The following SLC25A53 variants were observed in gnomAD, a reference collection of about 807,000 sequenced individuals.
SLC25A53 encodes the protein mitochondrial carrier triple repeat protein 6.
SLC25A53 carries 5 observed loss-of-function variants against 15.0 expected under a neutral mutation model. That is an observed-to-expected ratio of 0.33 (90% CI 0.17 to 0.70). The LOEUF (loss-of-function observed/expected upper bound fraction) is 0.70. SLC25A53 is among the 30% of genes least tolerant of loss of function. The pLI is 0.67. For synonymous variants in SLC25A53, 95 were observed against 100.0 expected (o/e 0.95, Z 0.30); for missense variants, 216 against 241.6 (o/e 0.89, Z 0.70).
chrX:104,106,214 T>C (rs2075309031), intron 1 of SLC25A53, among the ~76,000 whole-genome samples: 1 of 110,802 alleles, frequency 9.0e-6, no homozygotes, highest in African/African-American at 3.3e-5. Flanking sequence ...CCCAAACTAT[T>C]GCTCCTTACC....
chrX:104,112,363 C>G (rs1202438243), intron 1 of SLC25A53: 2 of 113,696 alleles, frequency 1.8e-5, no homozygotes, highest in African/African-American at 6.4e-5. Context: ...CTGCTGACGC[C>G]GTGCCGCCTC....
At chrX:104,112,764 G>A (rs1322944100) in intron 1 of SLC25A53, 1 of 112,771 alleles carries the variant, frequency 8.9e-6, no homozygotes, top group Non-Finnish European at 1.9e-5. Context: ...ACAGAGCTGT[G>A]GACGCGGGAG....
At chrX:104,150,601 A>G (rs1206290758) in intron 1 of SLC25A53, among the ~76,000 whole-genome samples, 4 of 112,256 alleles carry the variant, frequency 3.6e-5, no homozygotes, top group Non-Finnish European at 7.5e-5. Context: ...AAAATGACCA[A>G]ACACTCTGCT....
chrX:104,128,707 A>T (rs1602498363), intron 1 of SLC25A53, among the ~76,000 whole-genome samples: 1 of 111,598 alleles, frequency 9.0e-6, no homozygotes, highest in Non-Finnish European at 1.9e-5. Context: ...TAAAATGTTA[A>T]GATGTCAGCA....
chrX:104,105,564 A>G (rs1295975786), intron 1 of SLC25A53, among the ~76,000 whole-genome samples: 1 of 112,554 alleles, frequency 8.9e-6, no homozygotes, highest in Non-Finnish European at 1.9e-5. Flanking sequence ...TACGACTGAA[A>G]AACATGAAAT....
At chrX:104,130,601 T>C (rs1298097774) in intron 1 of SLC25A53, 1 of 111,336 alleles carries the variant, frequency 9.0e-6, no homozygotes, top group Admixed American at 9.6e-5. Flanking sequence ...CCACTATCCT[T>C]GTAAGCAAGA....
intron 1 of SLC25A53, among the ~76,000 whole-genome samples, chrX:104,131,398 G>A (rs1556365460): frequency 2.7e-5 from 3 of 111,552 alleles, no homozygotes; most frequent in African/African-American, 6.5e-5. Flanking sequence ...TGGTTGATAG[G>A]AGCCACATGT....
Position 104,114,743 on chromosome X carries a change from A to G in SLC25A53, c.-31-9455T>C, listed in dbSNP as rs1556360649. On this transcript the variant is annotated intron_variant, in intron 1 of 1. Coordinates refer to ENST00000594199, the MANE Select transcript of SLC25A53 (RefSeq NM_001012755.5). ...CAGGAGCGGCTTCCCAATTTCCTGG[A>G]GTTAATCAAGATGATAAGGGAGGAA... The G allele has an allele frequency of 8.3e-7, 1 of 1,211,807 alleles. No individual in the cohort carries two copies. The highest frequency in any genetic ancestry group is 1.1e-6 in the Non-Finnish European group (1 of 895,526).
In SLC25A53 at chrX:104,104,982, C is replaced by A; in HGVS notation, c.276G>T (p.Gly92=). ...TATCATAAGTCCCAAACAGAAGAGT[C>A]CCTTGCAACGTCTTGGAGAGAAGAG... The part of the protein sequence containing the change: ...YPPLLSKTLQ[G]TLLFGTYDSL... Residue 92 remains glycine (G), a synonymous_variant, in exon 2 of 2, where the codon GGG becomes GGT. Transcript: ENST00000594199. 8.3e-7 allele frequency: 1 copy of A among 1,211,518 alleles called. No individual in the cohort carries two copies.
At chrX:104,114,184 A>G (rs2075364005) in intron 1 of SLC25A53, 2 of 1,209,601 alleles carry the variant, frequency 1.7e-6, no homozygotes, top group Non-Finnish European at 2.2e-6. Flanking sequence ...GGCCCATTCC[A>G]TGTTGAGGTC....
intron 1 of SLC25A53, among the ~76,000 whole-genome samples, chrX:104,118,668 C>A (rs2075385027): frequency 8.9e-6 from 1 of 112,475 alleles, no homozygotes; most frequent in Non-Finnish European, 1.9e-5. Context: ...TACTTAGGGT[C>A]ATGTAATTAT....
At chrX:104,150,836 T>G (rs1165115397) in intron 1 of SLC25A53, among the ~76,000 whole-genome samples, 7 of 111,453 alleles carry the variant, frequency 6.3e-5, no homozygotes, top group African/African-American at 1.6e-4. Context: ...GCGCCCATGG[T>G]GTGCGCTCTC....
chrX:104,128,438 T>C (rs782584540), intron 1 of SLC25A53, among the ~76,000 whole-genome samples: 2 of 112,224 alleles, frequency 1.8e-5, no homozygotes, highest in Non-Finnish European at 3.8e-5. Flanking sequence ...AATTTAGGAA[T>C]GTTTTACGTT....
chrX:104,148,558 T>C (rs1199963194), intron 1 of SLC25A53, among the ~76,000 whole-genome samples: 1 of 110,516 alleles, frequency 9.0e-6, no homozygotes, highest in Non-Finnish European at 1.9e-5. Context: ...CTGGAAATCA[T>C]CATTCTCAGC....
rs1556353451 is a variant in SLC25A53 at position 104,103,098 on chromosome X, T to C, written c.*1236A>G. On this transcript the variant is annotated 3_prime_UTR_variant, in exon 2 of 2. Transcript: ENST00000594199. ...GTTGCAGTGAGCTGAGATCACACCA[T>C]TGGCACTCCAGCCTGGGCAACAAGA... 1.9e-5 allele frequency: 2 copies of C among 105,539 alleles called. No homozygotes were observed. The highest frequency in any genetic ancestry group is 2.1e-4 in the Admixed American group (2 of 9,738). 8.7% of individuals were successfully genotyped at this position (105,539 alleles called of 1,213,427 possible).
intron 1 of SLC25A53, among the ~76,000 whole-genome samples, chrX:104,152,143 T>C (rs2075486522): frequency 1.8e-5 from 2 of 109,976 alleles, no homozygotes; most frequent in Non-Finnish European, 1.9e-5. Context: ...TTGTTACATA[T>C]GTATACATGT....
chrX:104,112,433 C>G (rs1193990140), intron 1 of SLC25A53: 12 of 114,172 alleles, frequency 1.1e-4, no homozygotes, highest in Admixed American at 2.7e-4. Context: ...CCCGCTCCCC[C>G]TTCTTGCTAG....
chrX:104,116,698 G>A (rs896922287), intron 1 of SLC25A53, among the ~76,000 whole-genome samples: 2 of 111,097 alleles, frequency 1.8e-5, no homozygotes, highest in Non-Finnish European at 3.8e-5. Context: ...CTAGGCTGAG[G>A]CCCCCAGGGA....
chrX:104,137,567 A>C (rs781798345), intron 1 of SLC25A53, among the ~76,000 whole-genome samples: 10 of 111,585 alleles, frequency 9.0e-5, no homozygotes, highest in Non-Finnish European at 1.7e-4. Flanking sequence ...TTTGCCGACT[A>C]GGGGTCACAC....
Sources: allele counts gnomAD v4.1 joint callset (sites outside exome capture counted in the v4.1 genomes callset), GRCh38; gene constraint gnomAD v4.1.1; transcripts MANE v1.5; gene names NCBI Gene and HGNC (gene_info 2026-07-23, HGNC 2026-07-21).